PAK1: variants seen among roughly 807,000 people sequenced by gnomAD.
The protein encoded by PAK1 is serine/threonine-protein kinase PAK 1.
In PAK1, 29 loss-of-function variants were observed where a neutral mutation model predicts 67.4. The ratio of observed to expected loss-of-function variants is 0.43; its 90% CI spans 0.32 to 0.59. PAK1 has a LOEUF of 0.59. Among genes scored for constraint, PAK1 ranks in the 20% least tolerant of loss-of-function variants. PAK1 has a pLI of 0.07. For missense variants in PAK1, 337 were observed against 670.7 expected, an observed-to-expected ratio of 0.50 and a Z score of 5.50; for synonymous variants, 223 against 237.4, an observed-to-expected ratio of 0.94 and a Z score of 0.56.
At chr11:77,398,039 G>C (rs1034590096) in intron 1 of PAK1, among the ~76,000 whole-genome samples, 4 of 152,188 alleles carry the variant, frequency 2.6e-5, no homozygotes, top group African/African-American at 9.7e-5. Flanking sequence ...TGTGGACACA[G>C]GCATGCAATG....
rs1469797243 is a variant in PAK1, at chr11:77,328,512, G to T, written c.1551+4218C>A. ...AAAACTGCTCAACTACATGGAAACT[G>T]AACAACCTGCTCCCGAATGACTACT... On this transcript the variant is annotated intron_variant, in intron 14 of 14. Transcript: ENST00000356341. 1.4e-4 allele frequency among the ~76,000 whole-genome samples: 21 copies of T among 152,298 alleles called. No homozygotes were observed. The South Asian group carries it at 2.5e-3, about 18-fold the overall frequency.
chr11:77,503,183 G>C, the PAK1 span, among the ~76,000 whole-genome samples: 1 of 152,166 alleles, frequency 6.6e-6, no homozygotes, highest in East Asian at 1.9e-4. Flanking sequence ...GGCAATCGAT[G>C]ACTATCTTCC....
At chr11:77,511,612 G>A in the PAK1 span, among the ~76,000 whole-genome samples, 4 of 152,124 alleles carry the variant, frequency 2.6e-5, no homozygotes, top group African/African-American at 4.8e-5. Context: ...GACGTGACAA[G>A]TAGCAATGCC....
At chr11:77,379,565 T>C (rs1949552059) in intron 3 of PAK1, 177 bp from the exon 4 acceptor site, 1 of 614,556 alleles carries the variant, frequency 1.6e-6, no homozygotes, top group Non-Finnish European at 2.8e-6. Context: ...CTCATTGAAT[T>C]AGTCATTTCT....
chr11:77,433,329 A>C (rs111866253), intron 1 of PAK1, among the ~76,000 whole-genome samples: 4,888 of 152,334 alleles, frequency 0.032, 132 homozygotes, highest in African/African-American at 0.074. Context: ...AAGAAGAACT[A>C]AATAAACTGG....
chr11:77,331,929 G>C (rs919801383), intron 14 of PAK1, among the ~76,000 whole-genome samples: 2 of 152,026 alleles, frequency 1.3e-5, no homozygotes, highest in African/African-American at 2.4e-5. Context: ...TAAGATTTGG[G>C]TGTCAGAGAC....
At chr11:77,425,460 T>C (rs1955500177) in intron 1 of PAK1, among the ~76,000 whole-genome samples, 1 of 152,316 alleles carries the variant, frequency 6.6e-6, no homozygotes, top group Middle Eastern at 3.4e-3. Context: ...TTCATATCCA[T>C]TATCCAATTA....
chr11:77,471,548 T>C (rs1327793721), intron 1 of PAK1, among the ~76,000 whole-genome samples: 1 of 151,848 alleles, frequency 6.6e-6, no homozygotes, highest in Non-Finnish European at 1.5e-5. Flanking sequence ...CACAGGCAGG[T>C]AAGGGGTGGA....
intron 4 of PAK1, among the ~76,000 whole-genome samples, chr11:77,377,674 C>G (rs1949278411): frequency 6.6e-6 from 1 of 152,172 alleles, no homozygotes; most frequent in Non-Finnish European, 1.5e-5. Context: ...AGGGCTATGT[C>G]TCTGTTTACA....
intron 1 of PAK1, among the ~76,000 whole-genome samples, chr11:77,472,459 TCA>T (rs1416829492): frequency 6.6e-6 from 1 of 152,182 alleles, no homozygotes; most frequent in Non-Finnish European, 1.5e-5. Context: ...AGCAAAGACT[TCA>T]CAGTGTGGGA....
At chr11:77,527,995 G>A in the PAK1 span, among the ~76,000 whole-genome samples, 290 of 151,846 alleles carry the variant, frequency 1.9e-3, 2 homozygotes, top group African/African-American at 6.5e-3. Flanking sequence ...GACTACAGGC[G>A]AGTGCCACCA....
At chr11:77,486,271 T>G in the PAK1 span, among the ~76,000 whole-genome samples, 2 of 151,890 alleles carry the variant, frequency 1.3e-5, no homozygotes, top group East Asian at 1.9e-4. Context: ...GAGGCTGAGA[T>G]GGGAAGATTC....
intron 2 of PAK1, among the ~76,000 whole-genome samples, chr11:77,388,688 T>A (rs1408447217): frequency 1.3e-5 from 2 of 152,314 alleles, no homozygotes; most frequent in East Asian, 3.9e-4. Flanking sequence ...AAACTGCACA[T>A]GCCTACTGCT....
At chr11:77,331,976 C>T (rs2136100927) in intron 14 of PAK1, among the ~76,000 whole-genome samples, 1 of 152,092 alleles carries the variant, frequency 6.6e-6, no homozygotes, top group African/African-American at 2.4e-5. Flanking sequence ...CTCTGCCAGA[C>T]TAATTCAAAC....
chr11:77,447,082 A>C (rs1272151566), intron 1 of PAK1, among the ~76,000 whole-genome samples: 2 of 152,192 alleles, frequency 1.3e-5, no homozygotes, highest in Non-Finnish European at 2.9e-5. Flanking sequence ...CAGAGATAAG[A>C]AGAGCTAGAT....
At chr11:77,336,554 A>AG (rs1942725022) in intron 12 of PAK1, among the ~76,000 whole-genome samples, 1 of 152,256 alleles carries the variant, frequency 6.6e-6, no homozygotes, top group South Asian at 2.1e-4. Context: ...TTAAAGTCCA[A>AG]GCTGCCCATT....
At chr11:77,370,758 G>A (rs1265508702) in intron 5 of PAK1, among the ~76,000 whole-genome samples, 1 of 152,196 alleles carries the variant, frequency 6.6e-6, no homozygotes. Context: ...ATTTGAGATA[G>A]CAAGAGAGAT....
the PAK1 span, among the ~76,000 whole-genome samples, chr11:77,513,969 T>C: frequency 6.6e-6 from 1 of 152,180 alleles, no homozygotes; most frequent in African/African-American, 2.4e-5. Flanking sequence ...ATTCCATTTA[T>C]ATGAAATGAG....
chr11:77,356,096 AT>A (rs1946001950), intron 6 of PAK1: 2 of 320,454 alleles, frequency 6.2e-6, no homozygotes, highest in Non-Finnish European at 5.7e-6. Context: ...CTAGACAACT[AT>A]CAAAAGAAAT....
Sources: gnomAD v4.1 joint callset for allele counts (sites outside exome capture counted in the v4.1 genomes callset) on GRCh38, gnomAD v4.1.1 for gene constraint, MANE v1.5 for transcripts, NCBI Gene and HGNC (gene_info 2026-07-23, HGNC 2026-07-21) for gene names.